Variants in TBC1D16 observed in about 807,000 individuals in gnomAD.
TBC1D16 encodes TBC1 domain family member 16.
Under a neutral mutation model 74.7 loss-of-function variants are expected in TBC1D16, and 58 were observed. That is an observed-to-expected ratio of 0.78 (90% CI 0.63 to 0.97). TBC1D16 has a LOEUF of 0.97. Among genes scored for constraint, TBC1D16 ranks in the 50% least tolerant of loss-of-function variants. The pLI is 0.00. For synonymous variants in TBC1D16, 493 were observed against 474.7 expected (o/e 1.04, Z -0.50); for missense variants, 1,014 against 1,079.5 (o/e 0.94, Z 0.85).
chr17:79,987,266 G>A lies in TBC1D16; in HGVS notation c.779+22894C>T, dbSNP rs1368417916. Among the ~76,000 whole-genome samples, 2 of 151,804 alleles carry A rather than the reference G, an allele frequency of 1.3e-5. No individual in the cohort carries two copies. ...TTTTTTTTACTTTTTTTTCAGACTG[G>A]GTCTTGCTCTGTCACCCAGGCTGGA... On this transcript the variant is annotated intron_variant, in intron 3 of 11. Coordinates refer to ENST00000310924, the MANE Select transcript of TBC1D16 (RefSeq NM_019020.4). The surrounding 1 kb of genome is among the most constrained non-coding windows in gnomAD (Gnocchi z 5.2).
At chr17:79,972,832 T>C (rs2587502) in intron 3 of TBC1D16, among the ~76,000 whole-genome samples, 137,827 of 152,228 alleles carry the variant, frequency 0.91, 62,451 homozygotes, top group East Asian at 0.95. Flanking sequence ...GTAATTCTAG[T>C]ACTTTGGAAG....
At chr17:79,995,635 A>G (rs1003037940) in intron 3 of TBC1D16, among the ~76,000 whole-genome samples, 1 of 148,502 alleles carries the variant, frequency 6.7e-6, no homozygotes, top group Non-Finnish European at 1.5e-5. Flanking sequence ...AATACAAAAA[A>G]TTAGCCGGGC....
At position 79,933,716 on chromosome 17, in the gene TBC1D16, TG is replaced by T. The variant is rs2031404577; in HGVS notation, c.*7142del. ...GTTTGCCCAGCCGGCCCCAAAGGTG[TG>T]GGGGTCCACATGGCCTCACCCAGGG... On this transcript the variant is annotated 3_prime_UTR_variant, in exon 12 of 12. Transcript: ENST00000310924. The T allele has an allele frequency of 6.6e-6, 1 of 152,144 alleles. No individual in the cohort carries two copies. The highest frequency in any genetic ancestry group is 2.4e-5 in the African/African-American group (1 of 41,402). The allele number at this position is 152,144 out of a possible 1,614,324, so 9.4% of individuals were successfully genotyped here.
At chr17:79,997,136 T>G (rs1598404803) in intron 3 of TBC1D16, among the ~76,000 whole-genome samples, 1 of 152,236 alleles carries the variant, frequency 6.6e-6, no homozygotes, top group African/African-American at 2.4e-5. Context: ...GGGGGAGTGG[T>G]TCTGCGTCTA....
Position 79,956,925 on chromosome 17 carries a change from G to A in TBC1D16, c.780-4107C>T, listed in dbSNP as rs541906700. Among the ~76,000 whole-genome samples the A allele has an allele frequency of 7.2e-5, 11 of 152,328 alleles. No individual in the cohort carries two copies. In the South Asian group the frequency reaches 8.3e-4, roughly 11 times the overall value. On this transcript the variant is annotated intron_variant, in intron 3 of 11. Transcript: ENST00000310924. This position sits in a 1 kb window ranked among gnomAD's most constrained non-coding sequence, Gnocchi z 4.0. ...TAAGCCAACTTCTGCCTGGAGGCAC[G>A]TTGCTGGGGGAGGTGTGCGGTGGCT...
In TBC1D16 at chr17:79,983,884, A is replaced by G. The variant is rs1237841675; in HGVS notation, c.779+26276T>C. Among the ~76,000 whole-genome samples, 1 of 152,208 alleles carries G rather than the reference A, an allele frequency of 6.6e-6. No individual in the cohort carries two copies. The highest frequency in any genetic ancestry group is 1.5e-5 in the Non-Finnish European group (1 of 68,036). The stretch of plus-strand genomic sequence containing the variant: ...ATTTAAAAAAAATTTAAATTTATTT[A>G]GAGACAGGGTCATGCTCTGTCACCC... On this transcript the variant is annotated intron_variant, in intron 3 of 11. Coordinates refer to ENST00000310924, the MANE Select transcript of TBC1D16 (RefSeq NM_019020.4). The surrounding 1 kb of genome is among the most constrained non-coding windows in gnomAD (Gnocchi z 5.6).
At position 80,010,782 on chromosome 17, in the gene TBC1D16, C is replaced by A. The variant is rs368059090; in HGVS notation, c.182-25G>T. On this transcript the variant is annotated intron_variant, in intron 2 of 11. Coordinates refer to ENST00000310924, the MANE Select transcript of TBC1D16 (RefSeq NM_019020.4). This position sits in a 1 kb window ranked among gnomAD's most constrained non-coding sequence, Gnocchi z 8.8. Reference sequence around the variant, plus strand: ...CCTGTGAGGAGCCAGGGGGATGGCACGTTAGAGGCCAGGAGGCTGTGGATG... The same window carrying A: ...CCTGTGAGGAGCCAGGGGGATGGCAAGTTAGAGGCCAGGAGGCTGTGGATG... 3 of 1,452,624 alleles carry A rather than the reference C, an allele frequency of 2.1e-6. No homozygotes were observed. The highest frequency in any genetic ancestry group is 2.7e-6 in the Non-Finnish European group (3 of 1,099,300). 90.0% of individuals were successfully genotyped at this position (1,452,624 alleles called of 1,614,324 possible).
intron 1 of TBC1D16, among the ~76,000 whole-genome samples, chr17:80,025,531 T>C (rs2036547632): frequency 6.7e-6 from 1 of 148,568 alleles, no homozygotes; most frequent in South Asian, 2.2e-4. Context: ...CTGGAGAGTT[T>C]TGCAGCAGTC....
intron 9 of TBC1D16, among the ~76,000 whole-genome samples, chr17:79,946,416 C>T (rs904502639): frequency 2.6e-5 from 4 of 152,190 alleles, no homozygotes; most frequent in African/African-American, 4.8e-5. Context: ...GCCCGTCCAC[C>T]GCTCACCTCC....
At chr17:79,968,966 G>A (rs1338441181) in intron 3 of TBC1D16, among the ~76,000 whole-genome samples, 4 of 151,550 alleles carry the variant, frequency 2.6e-5, no homozygotes, top group Admixed American at 6.6e-5. Context: ...CACTTAAGAT[G>A]TAAGAATAAA....
At chr17:80,028,765 C>G (rs1377965014) in intron 1 of TBC1D16, among the ~76,000 whole-genome samples, 1 of 151,152 alleles carries the variant, frequency 6.6e-6, no homozygotes, top group Non-Finnish European at 1.5e-5. Flanking sequence ...CGCGCGCCAC[C>G]ACACCCAGCT....
chr17:80,032,371 TTTTC>T (rs1458322292), intron 1 of TBC1D16, among the ~76,000 whole-genome samples: 1 of 152,202 alleles, frequency 6.6e-6, no homozygotes, highest in African/African-American at 2.4e-5. Flanking sequence ...ATTATTTCTC[TTTTC>T]TTTCTGTTAT....
At chr17:80,005,541 C>A (rs1253689083) in intron 3 of TBC1D16, among the ~76,000 whole-genome samples, 1 of 152,234 alleles carries the variant, frequency 6.6e-6, no homozygotes, top group Admixed American at 6.5e-5. Context: ...CAAGATAGCC[C>A]AGGGCTCACC....
intron 1 of TBC1D16, among the ~76,000 whole-genome samples, chr17:80,031,774 G>A (rs897106006): frequency 2.0e-5 from 3 of 152,178 alleles, no homozygotes; most frequent in African/African-American, 7.2e-5. Flanking sequence ...TAAACACAAA[G>A]GGTAAGGGAA....
chr17:79,951,185 A>C (rs1217948743), intron 5 of TBC1D16, among the ~76,000 whole-genome samples: 1 of 152,234 alleles, frequency 6.6e-6, no homozygotes, highest in Non-Finnish European at 1.5e-5. Flanking sequence ...CTCTTATTAC[A>C]TTTGTACGTA....
chr17:79,948,882 C>G lies in TBC1D16; in HGVS notation c.1531G>C (p.Glu511Gln). Residue 511 changes from glutamate to glutamine, a missense_variant, in exon 8 of 12, where the codon GAG (glutamate) becomes CAG (glutamine). Physicochemically the swap from Glu to Gln is conservative, Grantham distance 29. Coordinates refer to ENST00000310924, the MANE Select transcript of TBC1D16 (RefSeq NM_019020.4). ...FFRGEDNPNV[E>Q]SMRRILLNYA... The stretch of plus-strand genomic sequence containing the variant: ...CTGGGGAGGGAGTACCTCATGCTCT[C>G]CACATTGGGATTGTCTTCCCCCCGG... The G allele has an allele frequency of 6.2e-7, 1 of 1,614,110 alleles. No homozygotes were observed.
chr17:79,953,333 T>C (rs2033173729), intron 3 of TBC1D16, among the ~76,000 whole-genome samples: 2 of 152,246 alleles, frequency 1.3e-5, no homozygotes, highest in South Asian at 2.1e-4. Context: ...TTTATGCTTT[T>C]GGTTAGGAAA....
chr17:79,950,854 G>T lies in TBC1D16; in HGVS notation c.1090-276C>A, dbSNP rs2143700510. 1 of 1,523,782 alleles carries T rather than the reference G, an allele frequency of 6.6e-7. No individual in the cohort carries two copies. Among genetic ancestry groups the T allele is most frequent in the Non-Finnish European group, 8.8e-7 (1 of 1,138,604 alleles). 94.4% of individuals were successfully genotyped at this position (1,523,782 alleles called of 1,614,324 possible). ...CCAACCCCAGCCGCAAAAACGGAAT[G>T]AATGCCTCGTTCGGCCTAACTTCCC... is the stretch of plus-strand genomic sequence containing the variant. On this transcript the variant is annotated intron_variant, in intron 5 of 11. Transcript: ENST00000310924. The surrounding 1 kb of genome is among the most constrained non-coding windows in gnomAD (Gnocchi z 4.6).
At position 79,990,153 on chromosome 17, in the gene TBC1D16, A is replaced by G. The variant is rs1216784164; in HGVS notation, c.779+20007T>C. ...GTCTCTGACATGAACCAGCTTTCAG[A>G]GTCTAACGACTAGATTTGACTTTCA... On this transcript the variant is annotated intron_variant, in intron 3 of 11. Coordinates refer to ENST00000310924, the MANE Select transcript of TBC1D16 (RefSeq NM_019020.4). The surrounding 1 kb of genome is among the most constrained non-coding windows in gnomAD (Gnocchi z 4.8). Among the ~76,000 whole-genome samples the G allele has an allele frequency of 1.3e-5, 2 of 152,204 alleles. No individual in the cohort carries two copies. Among genetic ancestry groups the G allele is most frequent in the Non-Finnish European group, 2.9e-5 (2 of 68,034 alleles).
Sources: gnomAD v4.1 joint callset for allele counts (sites outside exome capture counted in the v4.1 genomes callset) on GRCh38, gnomAD v4.1.1 for gene constraint, Gnocchi (gnomAD v3.1) non-coding constraint, MANE v1.5 for transcripts, NCBI Gene and HGNC (gene_info 2026-07-23, HGNC 2026-07-21) for gene names.